The following PCSK5 variants were observed in gnomAD, a reference collection of about 807,000 sequenced individuals.
PCSK5 encodes the protein prohormone convertase 5.
Under a neutral mutation model 233.2 loss-of-function variants are expected in PCSK5, and 129 were observed. The ratio of observed to expected loss-of-function variants is 0.55; its 90% CI spans 0.48 to 0.64. The LOEUF (loss-of-function observed/expected upper bound fraction) is 0.64, where lower values mean the gene tolerates loss of function less well. Among genes scored for constraint, PCSK5 ranks in the 30% least tolerant of loss-of-function variants. The pLI, the probability that PCSK5 is intolerant of heterozygous loss-of-function variation, is 0.00. For synonymous variants in PCSK5, 825 were observed against 879.2 expected (o/e 0.94, Z 1.09); for missense variants, 2,076 against 2,430.1 (o/e 0.85, Z 3.06).
At chr9:76,255,303 T>A (rs1671446386) in intron 24 of PCSK5, among the ~76,000 whole-genome samples, 1 of 151,868 alleles carries the variant, frequency 6.6e-6, no homozygotes. Context: ...ATAAAAAAAA[T>A]AATTTTAAAA....
intron 1 of PCSK5, among the ~76,000 whole-genome samples, chr9:75,913,560 G>T (rs113654796): frequency 6.6e-6 from 1 of 152,088 alleles, no homozygotes; most frequent in Admixed American, 6.6e-5. Flanking sequence ...TTGGCTCCAG[G>T]CTGCATATTT....
At position 76,358,831 on chromosome 9, in the gene PCSK5, C is replaced by G. The variant is rs748014758; in HGVS notation, c.5573C>G (p.Thr1858Arg). ...ATCGTCTACATGGGCCAGGATGGCACAGTCTACCGGAAATTTAAATATGGG... is the reference window on the plus strand; with the variant it reads ...ATCGTCTACATGGGCCAGGATGGCAGAGTCTACCGGAAATTTAAATATGGG... ...DDIVYMGQDG[T>R]VYRKFKYGLL... Residue 1858 changes from threonine to arginine, a missense_variant, in exon 38 of 38, where the codon ACA (threonine) becomes AGA (arginine). Around this residue, in one of 6 missense-constraint regions of PCSK5, gnomAD observed 1,510 missense variants for 1,538.1 expected, o/e 0.98. Transcript: ENST00000674117. 13 of 1,612,710 alleles carry G rather than the reference C, an allele frequency of 8.1e-6. No individual in the cohort carries two copies. The highest frequency in any genetic ancestry group is 1.1e-5 in the Non-Finnish European group (13 of 1,179,858).
At chr9:76,105,246 TGAG>T (rs750882424) in intron 8 of PCSK5, among the ~76,000 whole-genome samples, 12 of 152,204 alleles carry the variant, frequency 7.9e-5, no homozygotes, top group Non-Finnish European at 1.6e-4. Context: ...GGATAAACCT[TGAG>T]GACATTATGC....
chr9:76,184,243 A>G (rs1823998268), intron 16 of PCSK5, among the ~76,000 whole-genome samples: 1 of 152,172 alleles, frequency 6.6e-6, no homozygotes, highest in African/African-American at 2.4e-5. Context: ...AAAAGCTATG[A>G]GCATGGGGGT....
chr9:76,250,401 A>T (rs1472688366), intron 24 of PCSK5, among the ~76,000 whole-genome samples: 1 of 152,220 alleles, frequency 6.6e-6, no homozygotes, highest in Non-Finnish European at 1.5e-5. Context: ...AGGACTTTAC[A>T]GTGTAGAAAG....
intron 5 of PCSK5, among the ~76,000 whole-genome samples, chr9:76,052,858 G>T (rs1347209509): frequency 4.6e-5 from 7 of 152,166 alleles, no homozygotes. Context: ...TGGGGTACAG[G>T]CATGGGTAAA....
intron 21 of PCSK5, among the ~76,000 whole-genome samples, chr9:76,228,928 C>G (rs1825984629): frequency 6.6e-6 from 1 of 152,062 alleles, no homozygotes; most frequent in Admixed American, 6.5e-5. Context: ...AATAAATGTG[C>G]TTTATTGAAC....
intron 2 of PCSK5, among the ~76,000 whole-genome samples, chr9:75,971,305 T>C (rs1427904923): frequency 6.6e-6 from 1 of 152,226 alleles, no homozygotes; most frequent in Non-Finnish European, 1.5e-5. Flanking sequence ...GGTGTATATG[T>C]ACCATGTTTT....
chr9:76,232,951 A>G (rs1389208314), intron 21 of PCSK5, among the ~76,000 whole-genome samples: 1 of 152,212 alleles, frequency 6.6e-6, no homozygotes, highest in African/African-American at 2.4e-5. Context: ...TACTTGCAAT[A>G]TACACAGGCC....
intron 2 of PCSK5, among the ~76,000 whole-genome samples, chr9:75,950,978 T>C (rs1416713652): frequency 2.0e-5 from 3 of 152,338 alleles, no homozygotes; most frequent in East Asian, 1.9e-4. Context: ...AAAGCAACCA[T>C]TGAAAGATTT....
intron 32 of PCSK5, 31 bp downstream of exon 32, chr9:76,323,319 C>T (rs200955802): frequency 7.6e-5 from 103 of 1,347,236 alleles, no homozygotes; most frequent in South Asian, 3.6e-5. Context: ...AAATAGGCTC[C>T]GGGGTTTGCA....
chr9:75,894,833 C>A (rs965007631), intron 1 of PCSK5, among the ~76,000 whole-genome samples: 1 of 152,286 alleles, frequency 6.6e-6, no homozygotes, highest in South Asian at 2.1e-4. Flanking sequence ...AGCTAACAAT[C>A]TACTGGTTAG....
chr9:76,088,157 G>T (rs7027736), intron 7 of PCSK5, among the ~76,000 whole-genome samples: 1 of 152,282 alleles, frequency 6.6e-6, no homozygotes, highest in Admixed American at 6.5e-5. Context: ...CAGCTGACAG[G>T]CTAAAGCAGG....
At chr9:76,087,966 G>A (rs1209195475) in intron 7 of PCSK5, among the ~76,000 whole-genome samples, 3 of 152,186 alleles carry the variant, frequency 2.0e-5, no homozygotes, top group Non-Finnish European at 4.4e-5. Flanking sequence ...TCTCACCAGA[G>A]AAGTAGAAAA....
At position 76,098,507 on chromosome 9, in the gene PCSK5, A is replaced by T. The variant is rs141730578; in HGVS notation, c.1107+2405A>T. On this transcript the variant is annotated intron_variant, in intron 8 of 37. Coordinates refer to ENST00000674117, the MANE Select transcript of PCSK5 (RefSeq NM_001372043.1). ...TCATGGTCAACGTCCACTAGCACGG[A>T]GTGACATCCATCAGTCCTGCATCGT... 2.0e-5 allele frequency among the ~76,000 whole-genome samples: 3 copies of T among 152,338 alleles called. No homozygotes were observed. The East Asian group carries it at 5.8e-4, about 29-fold the overall frequency.
chr9:75,908,929 ATC>A (rs796708467), intron 1 of PCSK5, among the ~76,000 whole-genome samples: 15 of 101,966 alleles, frequency 1.5e-4, no homozygotes, highest in African/African-American at 4.6e-4. Flanking sequence ...CTATCTCTCT[ATC>A]TCTCTCTCTG....
chr9:76,064,644 A>G (rs1427535140), intron 5 of PCSK5, among the ~76,000 whole-genome samples: 2 of 144,990 alleles, frequency 1.4e-5, no homozygotes, highest in South Asian at 4.6e-4. Flanking sequence ...GGGGCTCCTC[A>G]CTTCTCAGAC....
intron 20 of PCSK5, among the ~76,000 whole-genome samples, chr9:76,215,544 G>T (rs1825491748): frequency 6.6e-6 from 1 of 152,150 alleles, no homozygotes; most frequent in South Asian, 2.1e-4. Flanking sequence ...GGCCACCAAG[G>T]GGAAAGTTAC....
intron 22 of PCSK5, 50 bp from the exon 23 acceptor site, chr9:76,238,909 G>T (rs2131326978): frequency 7.5e-7 from 1 of 1,327,864 alleles, no homozygotes. Context: ...ATAGCTTCAT[G>T]GCTAACTTTG....
Sources: gnomAD v4.1 joint callset for allele counts (sites outside exome capture counted in the v4.1 genomes callset) on GRCh38, gnomAD v4.1.1 for gene constraint, gnomAD v4.1.1 regional missense constraint, MANE v1.5 for transcripts, NCBI Gene and HGNC (gene_info 2026-07-23, HGNC 2026-07-21) for gene names.